The following PRELID2 variants were observed in gnomAD, a reference collection of about 807,000 sequenced individuals.
PRELID2 encodes the protein PRELI domain containing 2.
Under a neutral mutation model 28.4 loss-of-function variants are expected in PRELID2, and 25 were observed. The ratio of observed to expected loss-of-function variants is 0.88; its 90% confidence interval spans 0.64 to 1.23. The LOEUF (loss-of-function observed/expected upper bound fraction) is 1.23. PRELID2 is among the 50% of genes most tolerant of loss of function. The pLI is 0.00. For missense variants in PRELID2, 201 were observed against 214.4 expected (o/e 0.94, Z 0.39); for synonymous variants, 76 against 71.6 (o/e 1.06, Z -0.31).
intron 1 of PRELID2, among the ~76,000 whole-genome samples, chr5:145,552,225 T>C (rs1210840873): frequency 1.3e-5 from 2 of 152,112 alleles, no homozygotes; most frequent in African/African-American, 4.8e-5. Flanking sequence ...TAGTGATCAT[T>C]CATGAGTCAT....
chr5:145,676,651 T>A (rs1300487755), intron 1 of PRELID2, among the ~76,000 whole-genome samples: 3 of 152,208 alleles, frequency 2.0e-5, no homozygotes, highest in Non-Finnish European at 4.4e-5. Context: ...AGAAACCAGT[T>A]GCTACTATCA....
At chr5:145,567,281 T>C (rs1752975061) in intron 1 of PRELID2, among the ~76,000 whole-genome samples, 1 of 152,198 alleles carries the variant, frequency 6.6e-6, no homozygotes, top group African/African-American at 2.4e-5. Context: ...AAGAAAGTGA[T>C]TGAATCATGA....
At chr5:145,749,479 G>A (rs1466609074) in intron 1 of PRELID2, among the ~76,000 whole-genome samples, 1 of 152,200 alleles carries the variant, frequency 6.6e-6, no homozygotes. Context: ...TGCTGGTGAG[G>A]CTGTGGAGAA....
the PRELID2 span, among the ~76,000 whole-genome samples, chr5:145,348,678 A>G: frequency 8.0e-5 from 12 of 149,626 alleles, no homozygotes; most frequent in African/African-American, 2.7e-4. Flanking sequence ...TACATATTTT[A>G]TCTTTGCATC....
intron 1 of PRELID2, among the ~76,000 whole-genome samples, chr5:145,557,882 G>A (rs187661416): frequency 6.6e-6 from 1 of 152,006 alleles, no homozygotes; most frequent in Non-Finnish European, 1.5e-5. Context: ...TTAAAATTTG[G>A]GACCAAAATG....
At chr5:145,731,660 A>T (rs1756351129) in intron 1 of PRELID2, among the ~76,000 whole-genome samples, 1 of 152,188 alleles carries the variant, frequency 6.6e-6, no homozygotes, top group Admixed American at 6.5e-5. Flanking sequence ...TTATGCTATG[A>T]GAAGTTGTCA....
intron 1 of PRELID2, among the ~76,000 whole-genome samples, chr5:145,735,823 C>G (rs559308939): frequency 3.7e-4 from 57 of 152,072 alleles, no homozygotes; most frequent in African/African-American, 1.4e-3. Context: ...ACTAAAGCAC[C>G]CTCTACAGAT....
At chr5:145,338,989 C>T in the PRELID2 span, among the ~76,000 whole-genome samples, 1 of 152,192 alleles carries the variant, frequency 6.6e-6, no homozygotes, top group Non-Finnish European at 1.5e-5. Context: ...AAGTAAGTGG[C>T]CCATATTATT....
chr5:145,510,958 C>T (rs1367996793), intron 1 of PRELID2, among the ~76,000 whole-genome samples: 1 of 152,132 alleles, frequency 6.6e-6, no homozygotes, highest in African/African-American at 2.4e-5. Flanking sequence ...CGTCAAGAGG[C>T]CAGATGGTTC....
At chr5:145,635,727 C>T (rs1024546008) in intron 1 of PRELID2, among the ~76,000 whole-genome samples, 6 of 152,160 alleles carry the variant, frequency 3.9e-5, no homozygotes, top group African/African-American at 1.4e-4. Context: ...TCCACAAGGT[C>T]CTTCGATGTT....
chr5:145,675,342 C>G (rs531111009), intron 1 of PRELID2, among the ~76,000 whole-genome samples: 1 of 152,284 alleles, frequency 6.6e-6, no homozygotes, highest in East Asian at 1.9e-4. Flanking sequence ...ATTATATACA[C>G]TATTCACTCA....
chr5:145,529,936 A>G lies in PRELID2; in HGVS notation n.71-56621T>C, dbSNP rs537788571. Among the ~76,000 whole-genome samples the G allele has an allele frequency of 3.3e-5, 5 of 152,148 alleles. No individual in the cohort carries two copies. In the East Asian group the frequency reaches 5.8e-4, roughly 18 times the overall value. On this transcript the variant is annotated intron_variant and non_coding_transcript_variant, in intron 1 of 2. Transcript: ENST00000510259. ...ATGCCTGAGATGACCATTTATTTCAATCTTCTTCCTGCTCATATTGTGACC... is the reference window on the plus strand; with the variant it reads ...ATGCCTGAGATGACCATTTATTTCAGTCTTCTTCCTGCTCATATTGTGACC...
intron 1 of PRELID2, among the ~76,000 whole-genome samples, chr5:145,530,996 TG>T (rs1178892612): frequency 5.3e-5 from 8 of 152,202 alleles, no homozygotes; most frequent in Admixed American, 5.2e-4. Flanking sequence ...TCTTTCATTT[TG>T]GTTTTGTTTT....
intron 1 of PRELID2, among the ~76,000 whole-genome samples, chr5:145,701,272 C>T (rs983816698): frequency 7.2e-5 from 11 of 152,192 alleles, no homozygotes; most frequent in African/African-American, 2.2e-4. Context: ...ACACCGACTG[C>T]ACTGCCTCTC....
At chr5:145,335,607 T>C in the PRELID2 span, among the ~76,000 whole-genome samples, 12 of 152,188 alleles carry the variant, frequency 7.9e-5, no homozygotes, top group East Asian at 2.3e-3. Context: ...ATTTGAGTCA[T>C]ACAAGAAACA....
intron 1 of PRELID2, among the ~76,000 whole-genome samples, chr5:145,583,711 T>A (rs902209697): frequency 2.6e-5 from 4 of 151,966 alleles, no homozygotes; most frequent in Non-Finnish European, 5.9e-5. Context: ...AAGAGTAAGA[T>A]ACCTATGAAT....
At chr5:145,680,353 T>C (rs1048196059) in intron 1 of PRELID2, among the ~76,000 whole-genome samples, 3 of 152,210 alleles carry the variant, frequency 2.0e-5, no homozygotes, top group African/African-American at 7.2e-5. Context: ...GCTCAAACAC[T>C]GTGCCCCCTA....
intron 4 of PRELID2, among the ~76,000 whole-genome samples, chr5:145,803,631 C>G (rs909492030): frequency 6.6e-6 from 1 of 150,456 alleles, no homozygotes; most frequent in Non-Finnish European, 1.5e-5. Context: ...GGAAAGCACT[C>G]AAAGTACTAT....
chr5:145,605,166 C>T (rs916434172), intron 1 of PRELID2, among the ~76,000 whole-genome samples: 2 of 151,652 alleles, frequency 1.3e-5, no homozygotes, highest in Admixed American at 6.6e-5. Context: ...TGCAGAAGCC[C>T]TTTCATTTAA....
Sources: gnomAD v4.1 joint callset for allele counts (sites outside exome capture counted in the v4.1 genomes callset) on GRCh38, gnomAD v4.1.1 for gene constraint, MANE v1.5 for transcripts, NCBI Gene and HGNC (gene_info 2026-07-23, HGNC 2026-07-21) for gene names.